FRMPD4: variants seen among roughly 807,000 people sequenced by gnomAD.
FRMPD4 encodes FERM and PDZ domain-containing protein 4.
Under a neutral mutation model 94.1 loss-of-function variants are expected in FRMPD4, and 22 were observed. That is an observed-to-expected ratio of 0.23 (90% confidence interval 0.17 to 0.33). FRMPD4 has a LOEUF of 0.33. Ranked by LOEUF, FRMPD4 falls within the 10% of genes least tolerant of loss-of-function variation. FRMPD4 has a pLI of 1.00. For synonymous variants in FRMPD4, 631 were observed against 548.6 expected (o/e 1.15, Z -2.10); for missense variants, 1,111 against 1,339.9 (o/e 0.83, Z 2.67).
chrX:12,185,409 G>T (rs73190575), intron 1 of FRMPD4, among the ~76,000 whole-genome samples: 142 of 111,356 alleles, frequency 1.3e-3, no homozygotes, highest in Admixed American at 3.5e-3. Context: ...CCTGGGGAGG[G>T]TGTTATAGCA....
intron 3 of FRMPD4, among the ~76,000 whole-genome samples, chrX:12,031,480 G>A (rs1430528214): frequency 9.0e-6 from 1 of 111,702 alleles, no homozygotes; most frequent in Non-Finnish European, 1.9e-5. Context: ...TAAAAGCTGA[G>A]GAGTCAAGGT....
intron 2 of FRMPD4, among the ~76,000 whole-genome samples, chrX:12,565,539 A>G (rs1429337298): frequency 2.7e-5 from 3 of 111,789 alleles, no homozygotes; most frequent in African/African-American, 9.8e-5. Flanking sequence ...GCCCAACCCA[A>G]TTTGAGAGAT....
chrX:12,286,443 T>C (rs1432929144), intron 1 of FRMPD4, among the ~76,000 whole-genome samples: 1 of 112,038 alleles, frequency 8.9e-6, no homozygotes, highest in Non-Finnish European at 1.9e-5. Flanking sequence ...AATGAGGCAC[T>C]GAATTAAATG....
At chrX:12,002,391 T>G (rs938046070) in intron 3 of FRMPD4, among the ~76,000 whole-genome samples, 3 of 112,074 alleles carry the variant, frequency 2.7e-5, no homozygotes, top group African/African-American at 9.7e-5. Flanking sequence ...GGTAGCATTA[T>G]TCCTAGAATT....
chrX:12,023,758 A>G (rs767749430), intron 3 of FRMPD4, among the ~76,000 whole-genome samples: 40 of 111,337 alleles, frequency 3.6e-4, no homozygotes, highest in African/African-American at 1.3e-3. Flanking sequence ...TTTTTTAAGC[A>G]ATAACTCCCT....
chrX:12,088,153 C>A (rs748125178), intron 3 of FRMPD4, among the ~76,000 whole-genome samples: 2 of 112,032 alleles, frequency 1.8e-5, no homozygotes, highest in Non-Finnish European at 3.8e-5. Context: ...AATAAACTGG[C>A]AGCTTCTGAA....
At chrX:12,101,897 T>C (rs1419066667) in intron 3 of FRMPD4, among the ~76,000 whole-genome samples, 2 of 112,401 alleles carry the variant, frequency 1.8e-5, no homozygotes, top group Admixed American at 1.9e-4. Context: ...TATATCTCCA[T>C]CTATAGCTGT....
chrX:12,217,959 G>A (rs944210432), intron 1 of FRMPD4, among the ~76,000 whole-genome samples: 7 of 111,727 alleles, frequency 6.3e-5, no homozygotes, highest in African/African-American at 2.3e-4. Context: ...TTTTAGTAGG[G>A]TTATATTCAA....
chrX:12,210,623 A>G (rs968208195), intron 1 of FRMPD4, among the ~76,000 whole-genome samples: 1 of 111,079 alleles, frequency 9.0e-6, no homozygotes, highest in African/African-American at 3.3e-5. Context: ...CTTAACTTAC[A>G]TTTGAAAGTA....
intron 1 of FRMPD4, among the ~76,000 whole-genome samples, chrX:12,418,688 A>T (rs762880124): frequency 1.4e-4 from 15 of 109,998 alleles, no homozygotes; most frequent in African/African-American, 4.9e-4. Flanking sequence ...GTGTAAATAA[A>T]ATTTGTTTCT....
chrX:12,240,006 C>G (rs778922978), intron 1 of FRMPD4, among the ~76,000 whole-genome samples: 1 of 112,363 alleles, frequency 8.9e-6, no homozygotes, highest in Non-Finnish European at 1.9e-5. Flanking sequence ...TCAGTTCATA[C>G]ATAACACGTG....
At chrX:11,862,960 GTTT>G (rs772255596) in intron 1 of FRMPD4, among the ~76,000 whole-genome samples, 1 of 47,671 alleles carries the variant, frequency 2.1e-5, no homozygotes, top group Non-Finnish European at 3.9e-5. Flanking sequence ...AGGGAACTTG[GTTT>G]TTTTTTTTTT....
At chrX:12,125,401 T>C (rs2055490740) in intron 3 of FRMPD4, among the ~76,000 whole-genome samples, 1 of 112,036 alleles carries the variant, frequency 8.9e-6, no homozygotes, top group African/African-American at 3.3e-5. Context: ...TATTGGCTGT[T>C]CTCAAATATA....
chrX:11,889,179 A>G, intron 3 of FRMPD4, among the ~76,000 whole-genome samples: 1 of 112,424 alleles, frequency 8.9e-6, no homozygotes, highest in Admixed American at 9.4e-5. Flanking sequence ...ATTCCCAAAT[A>G]TAATGCAAGT....
At chrX:12,237,823 T>C (rs1241074497) in intron 1 of FRMPD4, among the ~76,000 whole-genome samples, 1 of 112,675 alleles carries the variant, frequency 8.9e-6, no homozygotes, top group Non-Finnish European at 1.9e-5. Flanking sequence ...GTATAATCCT[T>C]GGAATTGTTT....
At position 11,935,269 on chromosome X, in the gene FRMPD4, G is replaced by GTTTTTTTTTTTTTTTTTTTTTT. The variant is rs1234166611; in HGVS notation, c.95+57257_95+57278dup. ...TTGTTGTTTTTTTTTTTTTTAATGT[G>GTTTTTTTTTTTTTTTTTTTTTT]TTTTTTTTTTTTTTTTTTTTTTTTT... On this transcript the variant is annotated intron_variant, in intron 3 of 18. Coordinates refer to the FRMPD4 transcript ENST00000640291. Among the ~76,000 whole-genome samples, 3 of 5,011 alleles carry GTTTTTTTTTTTTTTTTTTTTTT rather than the reference G, an allele frequency of 6.0e-4. 1 individual carries two copies. Among genetic ancestry groups the GTTTTTTTTTTTTTTTTTTTTTT allele is most frequent in the Non-Finnish European group, 6.8e-4 (2 of 2,948 alleles). 4.4% of individuals were successfully genotyped at this position (5,011 alleles called of 115,157 possible).
chrX:12,582,928 C>G (rs1349097716), intron 2 of FRMPD4, among the ~76,000 whole-genome samples: 1 of 112,025 alleles, frequency 8.9e-6, no homozygotes, highest in African/African-American at 3.2e-5. Context: ...TACTACTTCC[C>G]GGTTGCAAAA....
intron 1 of FRMPD4, among the ~76,000 whole-genome samples, chrX:12,292,155 T>A (rs1384413449): frequency 8.9e-6 from 1 of 111,803 alleles, no homozygotes; most frequent in Admixed American, 9.5e-5. Context: ...ACACTTCTTA[T>A]AGAATTTGAG....
intron 3 of FRMPD4, among the ~76,000 whole-genome samples, chrX:11,941,650 T>G (rs779287908): frequency 8.0e-5 from 9 of 112,293 alleles, no homozygotes; most frequent in Non-Finnish European, 1.3e-4. Flanking sequence ...TTGGAATAAA[T>G]CCAGTGTTCA....
Sources: allele counts gnomAD v4.1 joint callset (sites outside exome capture counted in the v4.1 genomes callset), GRCh38; gene constraint gnomAD v4.1.1; transcripts MANE v1.5; gene names NCBI Gene and HGNC (gene_info 2026-07-23, HGNC 2026-07-21).